Variants in SPEG observed in about 807,000 individuals in gnomAD.
SPEG encodes striated muscle preferentially expressed protein kinase.
SPEG carries 114 observed loss-of-function variants against 300.4 expected under a neutral mutation model. That is an observed-to-expected ratio of 0.38 (90% CI 0.33 to 0.44). The LOEUF is 0.44. Among genes scored for constraint, SPEG ranks in the 20% least tolerant of loss-of-function variants. The pLI, the probability that SPEG is intolerant of heterozygous loss-of-function variation, is 1.00. For missense variants in SPEG, 4,201 were observed against 4,586.2 expected, an observed-to-expected ratio of 0.92 and a Z score of 2.43; for synonymous variants, 1,964 against 2,018.9, an observed-to-expected ratio of 0.97 and a Z score of 0.73.
intron 3 of SPEG, among the ~76,000 whole-genome samples, chr2:219,447,702 G>T (rs1312452253): frequency 6.6e-6 from 1 of 151,970 alleles, no homozygotes; most frequent in African/African-American, 2.4e-5. Flanking sequence ...TTCCAGGGCT[G>T]GGGGGAGGAG....
In SPEG at chr2:219,480,218, G is replaced by A; in HGVS notation, c.5342+78G>A. 17 of 1,466,298 alleles carry A rather than the reference G, an allele frequency of 1.2e-5. No individual in the cohort carries two copies. In the South Asian group the frequency reaches 2.1e-4, roughly 18 times the overall value. The allele number at this position is 1,466,298 out of a possible 1,614,324, so 90.8% of individuals were successfully genotyped here. On this transcript the variant is annotated intron_variant, in intron 25 of 40. Transcript: ENST00000312358. This position sits in a 1 kb window ranked among gnomAD's most constrained non-coding sequence, Gnocchi z 5.3. The stretch of plus-strand genomic sequence containing the variant: ...TGCTGGGGACGCGCTCACTGGCAGG[G>A]AGATTTACCGAGCCTGAATTCCTCC...
At chr2:219,490,291 C>T (rs1693843422) in intron 36 of SPEG, 118 bp from the exon 37 acceptor site, 1 of 1,399,240 alleles carries the variant, frequency 7.1e-7, no homozygotes, top group Non-Finnish European at 9.7e-7. Context: ...CTGGAGCCCA[C>T]ACTGGAACCA....
chr2:219,468,017 C>T lies in SPEG; in HGVS notation c.3143-561C>T, dbSNP rs200965554. Among the ~76,000 whole-genome samples, 42 of 152,328 alleles carry T rather than the reference C, an allele frequency of 2.8e-4. 1 individual carries two copies. The East Asian group carries it at 3.7e-3, about 13-fold the overall frequency. On this transcript the variant is annotated intron_variant, in intron 10 of 40. Coordinates refer to ENST00000312358, the MANE Select transcript of SPEG (RefSeq NM_005876.5). ...AGAGATTATGGCACCTGCCTTGCTA[C>T]GTTGTGGGTGATGAAGACCTAAGCG...
intron 39 of SPEG, 37 bp from the exon 40 acceptor site, chr2:219,492,074 G>C (rs377709149): frequency 6.3e-7 from 1 of 1,590,124 alleles, no homozygotes; most frequent in African/African-American, 1.3e-5. Context: ...GTTGGCCTCC[G>C]GTCTGCATAC....
intron 31 of SPEG, among the ~76,000 whole-genome samples, chr2:219,486,722 G>T (rs1465632476): frequency 6.6e-6 from 1 of 152,114 alleles, no homozygotes. Context: ...AACAACCAGG[G>T]CTGGCACCTA....
At position 219,472,935 on chromosome 2, in the gene SPEG, C is replaced by G; in HGVS notation, c.3986C>G (p.Ser1329Trp). ...TYTVQHQVLG[S>W]DQWTALVTGL... ...ACAGTGCAGCACCAGGTGCTGGGCT[C>G]GGACCAGTGGACGGCACTGGTCACA... Residue 1329 changes from serine (S) to tryptophan (W), a missense_variant, in exon 16 of 41, where the codon TCG becomes TGG. Transcript: ENST00000312358. 6.2e-7 allele frequency: 1 copy of G among 1,613,268 alleles called. No individual in the cohort carries two copies. Among genetic ancestry groups the G allele is most frequent in the Non-Finnish European group, 8.5e-7 (1 of 1,179,610 alleles).
Position 219,492,896 on chromosome 2 carries a change from C to A in SPEG, c.*110C>A. 1 of 1,088,646 alleles carries A rather than the reference C, an allele frequency of 9.2e-7. No homozygotes were observed. Among genetic ancestry groups the A allele is most frequent in the Non-Finnish European group, 1.4e-6 (1 of 740,024 alleles). 67.4% of individuals were successfully genotyped at this position (1,088,646 alleles called of 1,614,324 possible). Reference sequence around the variant, plus strand: ...GCGGGCCTGGGGCTTCGGTTACCACCAGCAGCAACATCTGGCTGGGCTCTT... The same window carrying A: ...GCGGGCCTGGGGCTTCGGTTACCACAAGCAGCAACATCTGGCTGGGCTCTT... On this transcript the variant is annotated 3_prime_UTR_variant, in exon 41 of 41. Transcript: ENST00000312358.
intron 18 of SPEG, among the ~76,000 whole-genome samples, chr2:219,474,659 A>T (rs1200636410): frequency 1.3e-5 from 2 of 152,170 alleles, no homozygotes; most frequent in Non-Finnish European, 2.9e-5. Context: ...TATAACAAAC[A>T]TGGGAAGACC....
rs1692458840 is a variant in SPEG at position 219,477,512 on chromosome 2, C to T, written c.4729+67C>T. 1 of 1,488,260 alleles carries T rather than the reference C, an allele frequency of 6.7e-7. No individual in the cohort carries two copies. Among genetic ancestry groups the T allele is most frequent in the African/African-American group, 1.4e-5 (1 of 71,598 alleles). 92.2% of individuals were successfully genotyped at this position (1,488,260 alleles called of 1,614,324 possible). Reference sequence around the variant, plus strand: ...GGAATCTGATGTGACCCTCCATGCTCTGCCCAGGAAGCAGCCAGCCCTGGA... The same window carrying T: ...GGAATCTGATGTGACCCTCCATGCTTTGCCCAGGAAGCAGCCAGCCCTGGA... On this transcript the variant is annotated intron_variant, in intron 20 of 40. Coordinates refer to ENST00000312358, the MANE Select transcript of SPEG (RefSeq NM_005876.5). The surrounding 1 kb of genome is among the most constrained non-coding windows in gnomAD (Gnocchi z 6.4).
chr2:219,464,785 C>A lies in SPEG; in HGVS notation c.2881+177C>A, dbSNP rs1691104009. ...ACCAAAGCCCAGAGACAGGAAGTGA[C>A]CTGCCCAAAGCTGCACAGCACATTG... On this transcript the variant is annotated intron_variant, in intron 9 of 40. Transcript: ENST00000312358. This position sits in a 1 kb window ranked among gnomAD's most constrained non-coding sequence, Gnocchi z 4.5. The A allele has an allele frequency of 3.3e-6, 2 of 612,616 alleles. No homozygotes were observed. Among genetic ancestry groups the A allele is most frequent in the Admixed American group, 5.9e-5 (2 of 34,140 alleles). The allele number at this position is 612,616 out of a possible 1,614,324, so 37.9% of individuals were successfully genotyped here. A position where few individuals can be genotyped will look rare whatever the true frequency, so the allele number is the denominator to read the frequency against.
At chr2:219,485,128 G>A (rs1693269692) in intron 30 of SPEG, 56 bp downstream of exon 30, 2 of 1,521,088 alleles carry the variant, frequency 1.3e-6, no homozygotes, top group South Asian at 2.4e-5. Flanking sequence ...GTGCGCTGGA[G>A]AGAGGCTGTG....
chr2:219,447,951 C>T, intron 3 of SPEG, 23 bp from the exon 4 acceptor site: 1 of 1,609,186 alleles, frequency 6.2e-7, no homozygotes. Flanking sequence ...AATCCTCTAC[C>T]CTTCTCCATC....
chr2:219,435,084 C>A lies in SPEG; in HGVS notation c.107C>A (p.Pro36His). 1.4e-6 allele frequency: 2 copies of A among 1,467,234 alleles called. No individual in the cohort carries two copies. Among genetic ancestry groups the A allele is most frequent in the Non-Finnish European group, 1.8e-6 (2 of 1,119,364 alleles). 90.9% of individuals were successfully genotyped at this position (1,467,234 alleles called of 1,614,324 possible). Residue 36 changes from proline (P) to histidine (H), a missense_variant, in exon 1 of 41, where the codon CCT (proline) becomes CAT (histidine). By Grantham distance (77) the Pro-to-His change is moderately conservative. This residue lies in a region of SPEG where 1,258 missense variants were observed against 1,293.9 expected (regional missense o/e 0.97). Transcript: ENST00000312358. ...AAGGTGGGGGCCGGCGGCGGGGCTC[C>A]TGTGGCCGTGGCCGGGGCGCCAGTC... ...RAKVGAGGGA[P>H]VAVAGAPVFL...
chr2:219,443,905 G>A lies in SPEG; in HGVS notation c.389-748G>A, dbSNP rs1689092658. ...ATCTCCCTCCCCACCCATTGCCACAGGACACCTCTGGGGACTGGGTGCCTC... is the reference window on the plus strand; with the variant it reads ...ATCTCCCTCCCCACCCATTGCCACAAGACACCTCTGGGGACTGGGTGCCTC... On this transcript the variant is annotated intron_variant, in intron 1 of 40. Coordinates refer to ENST00000312358, the MANE Select transcript of SPEG (RefSeq NM_005876.5). The surrounding 1 kb of genome is among the most constrained non-coding windows in gnomAD (Gnocchi z 4.6). 1.4e-6 allele frequency: 1 copy of A among 724,504 alleles called. No individual in the cohort carries two copies. Among genetic ancestry groups the A allele is most frequent in the Admixed American group, 2.3e-5 (1 of 42,768 alleles). The allele number at this position is 724,504 out of a possible 1,614,324, so 44.9% of individuals were successfully genotyped here.
Position 219,488,234 on chromosome 2 carries a change from G to A in SPEG, c.7782G>A (p.Val2594=), listed in dbSNP as rs776735892. The change falls in exon 32 of 41, where the codon GTG becomes GTA. Residue 2594 remains valine, a synonymous_variant. Coordinates refer to ENST00000312358, the MANE Select transcript of SPEG (RefSeq NM_005876.5). The part of the protein sequence containing the change: ...PVFHIKLKDQ[V]LLEGEAATLL... ...TCCACATCAAACTCAAGGACCAGGT[G>A]CTGCTGGAGGGGGAGGCAGCCACCC... 6.2e-7 allele frequency: 1 copy of A among 1,613,700 alleles called. No homozygotes were observed. The highest frequency in any genetic ancestry group is 1.7e-5 in the Admixed American group (1 of 59,972).
rs747356918 is a variant in SPEG at position 219,478,035 on chromosome 2, C to A, written c.4957C>A (p.Gln1653Lys). The A allele has an allele frequency of 3.1e-6, 5 of 1,614,104 alleles. No homozygotes were observed. The Admixed American group carries it at 8.3e-5, about 27-fold the overall frequency. The change falls in exon 22 of 41, where the codon CAG becomes AAG. Residue 1653 changes from glutamine to lysine, a missense_variant. By Grantham distance (53) the Gln-to-Lys change is moderately conservative. This residue lies in a region of SPEG where 1,047 missense variants were observed against 1,356.8 expected (regional missense o/e 0.77). Transcript: ENST00000312358. The part of the protein sequence containing the change: ...RREARLLARL[Q>K]HDCVLYFHEA... ...GGAGGCCCGGCTGCTGGCCAGGCTC[C>A]AGCACGACTGTGTCCTCTACTTCCA...
chr2:219,463,756 G>A (rs1690978998), intron 8 of SPEG, among the ~76,000 whole-genome samples: 1 of 151,548 alleles, frequency 6.6e-6, no homozygotes, highest in Non-Finnish European at 1.5e-5. Context: ...TATCCCTTTT[G>A]GGAAGTGGGA....
chr2:219,480,626 C>A lies in SPEG; in HGVS notation c.5343-45C>A. On this transcript the variant is annotated intron_variant, in intron 25 of 40. Transcript: ENST00000312358. The surrounding 1 kb of genome is among the most constrained non-coding windows in gnomAD (Gnocchi z 5.3). The stretch of plus-strand genomic sequence containing the variant: ...TAGCAAAGAACTGCTCCCTTCCAGT[C>A]AGAGAGGGGCGGTCCTCTTACCTAT... 1 of 1,608,824 alleles carries A rather than the reference C, an allele frequency of 6.2e-7. No homozygotes were observed. The highest frequency in any genetic ancestry group is 1.1e-5 in the South Asian group (1 of 90,940).
At position 219,481,532 on chromosome 2, in the gene SPEG, C is replaced by G; in HGVS notation, c.5522+76C>G. The G allele has an allele frequency of 6.2e-7, 1 of 1,604,528 alleles. No individual in the cohort carries two copies. ...CCTGCCTGCTACTCCCAAACTCCTG[C>G]CCCTCGACATGCAAGCCCCCAACTC... is the stretch of plus-strand genomic sequence containing the variant. On this transcript the variant is annotated intron_variant, in intron 27 of 40. Coordinates refer to ENST00000312358, the MANE Select transcript of SPEG (RefSeq NM_005876.5). This position sits in a 1 kb window ranked among gnomAD's most constrained non-coding sequence, Gnocchi z 5.4.
Sources: allele counts gnomAD v4.1 joint callset (sites outside exome capture counted in the v4.1 genomes callset), GRCh38; gene constraint gnomAD v4.1.1; regional missense constraint gnomAD v4.1.1; non-coding constraint Gnocchi (gnomAD v3.1); transcripts MANE v1.5; gene names NCBI Gene and HGNC (gene_info 2026-07-23, HGNC 2026-07-21).